OTOGL: variants seen among roughly 807,000 people sequenced by gnomAD.
OTOGL encodes the protein otogelin like.
A neutral mutation model predicts 318.5 loss-of-function variants in OTOGL; 285 were observed. That is an observed-to-expected ratio of 0.89 (90% CI 0.81 to 0.99). OTOGL has a LOEUF of 0.99. Among genes scored for constraint, OTOGL ranks in the 50% least tolerant of loss-of-function variants. The probability of loss-of-function intolerance (pLI) is 0.00; values close to 1 mark genes in which losing one functional copy is unlikely to be tolerated. For missense variants in OTOGL, 2,899 were observed against 2,845.6 expected (o/e 1.02, Z -0.43); for synonymous variants, 987 against 936.5 (o/e 1.05, Z -0.99).
chr12:80,281,150 A>G (rs1378955142), intron 26 of OTOGL, among the ~76,000 whole-genome samples: 1 of 151,880 alleles, frequency 6.6e-6, no homozygotes, highest in Non-Finnish European at 1.5e-5. Context: ...GAAGAGAGAT[A>G]CTTTGACTTC....
At chr12:80,149,290 C>G (rs1460869683) in intron 1 of OTOGL, among the ~76,000 whole-genome samples, 1 of 151,644 alleles carries the variant, frequency 6.6e-6, no homozygotes. Context: ...CCCTCAGCTG[C>G]AGGTCTGTTG....
intron 1 of OTOGL, among the ~76,000 whole-genome samples, chr12:80,109,598 A>C (rs1468932958): frequency 2.6e-5 from 4 of 152,190 alleles, no homozygotes; most frequent in African/African-American, 9.7e-5. Flanking sequence ...ACACTTTAAC[A>C]CTAGCTTTCA....
intron 1 of OTOGL, among the ~76,000 whole-genome samples, chr12:80,185,599 T>G (rs1337832125): frequency 6.6e-6 from 1 of 152,200 alleles, no homozygotes; most frequent in East Asian, 1.9e-4. Context: ...AAATTAGTGT[T>G]AATGTCATTG....
At chr12:80,245,141 G>T (rs1343365604) in intron 11 of OTOGL, among the ~76,000 whole-genome samples, 3 of 76,170 alleles carry the variant, frequency 3.9e-5, no homozygotes, top group Admixed American at 3.1e-4. Context: ...AGTTTCTTTT[G>T]CTGTGCAGAA....
chr12:80,244,522 A>G (rs1193530903), intron 11 of OTOGL, among the ~76,000 whole-genome samples: 1 of 149,330 alleles, frequency 6.7e-6, no homozygotes, highest in Non-Finnish European at 1.5e-5. Context: ...ATGGCTGCAT[A>G]GTATTCCATG....
rs1891339637 is a variant in OTOGL at position 80,379,257 on chromosome 12, C to A, written c.*1209C>A. 6.6e-6 allele frequency: 1 copy of A among 151,938 alleles called. No homozygotes were observed. The highest frequency in any genetic ancestry group is 1.5e-5 in the Non-Finnish European group (1 of 67,884). 9.4% of individuals were successfully genotyped at this position (151,938 alleles called of 1,614,324 possible). A position where few individuals can be genotyped will look rare whatever the true frequency, so the allele number is the denominator to read the frequency against. ...AATGCCCTACTTAGTGTAATTGTATCAAGTGAAGTCAAACATCAACAAAAG... is the reference window on the plus strand; with the variant it reads ...AATGCCCTACTTAGTGTAATTGTATAAAGTGAAGTCAAACATCAACAAAAG... On this transcript the variant is annotated 3_prime_UTR_variant, in exon 59 of 59. Coordinates refer to ENST00000547103, the MANE Select transcript of OTOGL (RefSeq NM_001378609.3).
intron 1 of OTOGL, among the ~76,000 whole-genome samples, chr12:80,149,810 G>A (rs545197306): frequency 7.2e-5 from 11 of 152,294 alleles, no homozygotes; most frequent in Admixed American, 2.0e-4. Flanking sequence ...CGCAGTATTC[G>A]GGTGGGAGTG....
At chr12:80,135,552 C>T (rs2137129078) in intron 1 of OTOGL, among the ~76,000 whole-genome samples, 1 of 152,240 alleles carries the variant, frequency 6.6e-6, no homozygotes, top group Admixed American at 6.5e-5. Flanking sequence ...GGATTATAGG[C>T]ATGAGCCATC....
At chr12:80,158,485 T>G (rs1262264062) in intron 1 of OTOGL, among the ~76,000 whole-genome samples, 2 of 152,026 alleles carry the variant, frequency 1.3e-5, no homozygotes, top group African/African-American at 2.4e-5. Context: ...CCTTGCAGAA[T>G]TGGTAGAATG....
intron 1 of OTOGL, among the ~76,000 whole-genome samples, chr12:80,203,435 T>A (rs1200568418): frequency 6.6e-6 from 1 of 152,126 alleles, no homozygotes; most frequent in East Asian, 1.9e-4. Flanking sequence ...GGCTGTTTTG[T>A]TATGTTAAGT....
At chr12:80,120,288 C>T (rs1231440861) in intron 1 of OTOGL, among the ~76,000 whole-genome samples, 2 of 152,032 alleles carry the variant, frequency 1.3e-5, no homozygotes, top group East Asian at 3.9e-4. Flanking sequence ...ATAATGACAA[C>T]AAATATCATT....
At chr12:80,307,772 G>T (rs1886277333) in intron 29 of OTOGL, among the ~76,000 whole-genome samples, 2 of 144,140 alleles carry the variant, frequency 1.4e-5, no homozygotes, top group South Asian at 4.4e-4. Flanking sequence ...CGGACGGGGT[G>T]GCTGGCCGGG....
chr12:80,145,411 A>G (rs1023742104), intron 1 of OTOGL, among the ~76,000 whole-genome samples: 4 of 151,694 alleles, frequency 2.6e-5, no homozygotes, highest in African/African-American at 7.3e-5. Context: ...TGTTCCATTG[A>G]TCTATATCTC....
intron 24 of OTOGL, among the ~76,000 whole-genome samples, chr12:80,276,589 A>G (rs1883826576): frequency 6.6e-6 from 1 of 151,704 alleles, no homozygotes; most frequent in African/African-American, 2.4e-5. Flanking sequence ...GTTGTAAGTG[A>G]TAAGTTTGCC....
chr12:80,272,084 T>C (rs779040616), intron 24 of OTOGL, among the ~76,000 whole-genome samples: 9 of 152,134 alleles, frequency 5.9e-5, no homozygotes, highest in Non-Finnish European at 1.2e-4. Context: ...AGTGACACAA[T>C]TAATCACTCT....
intron 7 of OTOGL, among the ~76,000 whole-genome samples, chr12:80,225,455 T>C (rs1318745023): frequency 6.6e-6 from 1 of 152,128 alleles, no homozygotes; most frequent in East Asian, 1.9e-4. Context: ...AATAAATACA[T>C]CAATTTACTT....
chr12:80,277,174 AAAT>A (rs1883872175), intron 24 of OTOGL, among the ~76,000 whole-genome samples: 1 of 147,352 alleles, frequency 6.8e-6, no homozygotes, highest in African/African-American at 2.4e-5. Context: ...AAAATTATTT[AAAT>A]AATGACAACT....
chr12:80,296,867 A>G lies in OTOGL; in HGVS notation c.2969A>G (p.Lys990Arg). ...GATATATCTGTCATTGCCCAGAACA[A>G]GAAATGCTTTGACAACGATATTGTT... ...DSDISVIAQN[K>R]KCFDNDIVCS... is the part of the protein sequence containing the mutation. Residue 990 changes from lysine (K) to arginine (R), a missense_variant, in exon 27 of 59, where the codon AAG (lysine) becomes AGG (arginine). Lys to Arg is a conservative substitution (Grantham distance 26). Transcript: ENST00000547103. The G allele has an allele frequency of 2.0e-6, 3 of 1,528,854 alleles. No homozygotes were observed. Among genetic ancestry groups the G allele is most frequent in the Non-Finnish European group, 2.6e-6 (3 of 1,139,526 alleles). The allele number at this position is 1,528,854 out of a possible 1,614,324, so 94.7% of individuals were successfully genotyped here. A position where few individuals can be genotyped will look rare whatever the true frequency, so the allele number is the denominator to read the frequency against.
intron 55 of OTOGL, among the ~76,000 whole-genome samples, chr12:80,368,593 G>A (rs1890697439): frequency 1.3e-5 from 2 of 152,084 alleles, no homozygotes; most frequent in Non-Finnish European, 2.9e-5. Flanking sequence ...GATCGTGAAA[G>A]AAAGGAACAA....
Sources: gnomAD v4.1 joint callset for allele counts (sites outside exome capture counted in the v4.1 genomes callset) on GRCh38, gnomAD v4.1.1 for gene constraint, MANE v1.5 for transcripts, NCBI Gene and HGNC (gene_info 2026-07-23, HGNC 2026-07-21) for gene names.